The following GRM1 variants were observed in gnomAD, a reference collection of about 807,000 sequenced individuals.
GRM1 encodes the protein metabotropic glutamate receptor 1.
A neutral mutation model predicts 90.9 loss-of-function variants in GRM1; 33 were observed. The observed-to-expected ratio is 0.36, with a 90% CI of 0.28 to 0.49. GRM1 has a LOEUF of 0.49. GRM1 is among the 20% of genes least tolerant of loss of function. The pLI is 0.99. For synonymous variants in GRM1, 700 were observed against 613.2 expected (o/e 1.14, Z -2.09); for missense variants, 1,190 against 1,534.3 (o/e 0.78, Z 3.75).
At chr6:146,243,578 G>A (rs961274824) in intron 2 of GRM1, among the ~76,000 whole-genome samples, 6 of 152,068 alleles carry the variant, frequency 3.9e-5, no homozygotes, top group Non-Finnish European at 8.8e-5. Context: ...TACGAATAGG[G>A]TGTGGGTCAC....
intron 2 of GRM1, among the ~76,000 whole-genome samples, chr6:146,239,776 AC>A (rs1258026258): frequency 1.3e-5 from 2 of 152,180 alleles, no homozygotes; most frequent in Admixed American, 1.3e-4. Context: ...CATCAGAATC[AC>A]ACCTGGAACT....
At chr6:146,157,381 G>T (rs1391254855) in intron 1 of GRM1, among the ~76,000 whole-genome samples, 1 of 152,174 alleles carries the variant, frequency 6.6e-6, no homozygotes, top group Non-Finnish European at 1.5e-5. Context: ...AGAAGATTTT[G>T]ATAAGAGAAG....
chr6:146,242,428 G>C (rs1780898740), intron 2 of GRM1, among the ~76,000 whole-genome samples: 1 of 152,046 alleles, frequency 6.6e-6, no homozygotes, highest in African/African-American at 2.4e-5. Flanking sequence ...CAGAAACAGA[G>C]TATGGAAAAG....
At chr6:146,173,894 G>C (rs941351396) in intron 2 of GRM1, among the ~76,000 whole-genome samples, 1 of 151,994 alleles carries the variant, frequency 6.6e-6, no homozygotes, top group African/African-American at 2.4e-5. Flanking sequence ...CTGACCTTGT[G>C]ATCCGCCCGC....
At chr6:146,301,567 T>A (rs1343485187) in intron 2 of GRM1, among the ~76,000 whole-genome samples, 1 of 152,202 alleles carries the variant, frequency 6.6e-6, no homozygotes, top group Non-Finnish European at 1.5e-5. Flanking sequence ...AAATTTCACA[T>A]CTTATTAAAC....
chr6:146,395,718 T>A (rs755409495), intron 6 of GRM1, among the ~76,000 whole-genome samples: 1 of 152,184 alleles, frequency 6.6e-6, no homozygotes, highest in Non-Finnish European at 1.5e-5. Flanking sequence ...TTAATTCAAC[T>A]TCTATAGATC....
chr6:146,135,988 A>G (rs988479664), intron 1 of GRM1, among the ~76,000 whole-genome samples: 4 of 152,030 alleles, frequency 2.6e-5, no homozygotes, highest in Admixed American at 2.0e-4. Context: ...TAAGAGTTCA[A>G]TTGTTTGAAT....
chr6:146,083,374 A>G (rs1237279307), intron 1 of GRM1, among the ~76,000 whole-genome samples: 2 of 152,168 alleles, frequency 1.3e-5, no homozygotes, highest in Admixed American at 1.3e-4. Flanking sequence ...TGGGTTTGTC[A>G]TAAATAACTC....
intron 3 of GRM1, among the ~76,000 whole-genome samples, chr6:146,307,799 CA>C (rs905245564): frequency 1.3e-5 from 2 of 152,126 alleles, no homozygotes; most frequent in South Asian, 2.1e-4. Flanking sequence ...AACTTAATCC[CA>C]GATGTCACTA....
intron 2 of GRM1, among the ~76,000 whole-genome samples, chr6:146,168,870 A>C (rs1028996293): frequency 3.3e-5 from 5 of 152,056 alleles, no homozygotes; most frequent in Non-Finnish European, 5.9e-5. Context: ...AATGCTCTTA[A>C]GCATGTTTCC....
chr6:146,336,171 T>C (rs1784766090), intron 3 of GRM1, among the ~76,000 whole-genome samples: 1 of 151,954 alleles, frequency 6.6e-6, no homozygotes, highest in African/African-American at 2.4e-5. Context: ...AGTGGGAGAG[T>C]TGGAAAGAGT....
rs561591596 is a variant in GRM1 at position 146,405,233 on chromosome 6, C to T, written c.2660+5534C>T. On this transcript the variant is annotated intron_variant, in intron 7 of 7. Coordinates refer to ENST00000282753, the MANE Select transcript of GRM1 (RefSeq NM_001278064.2). ...GCTTAAGAGAAAGGTCTAGGCCAGACCTCTAGATTTGAAGATCAATTGTCA... is the reference window on the plus strand; with the variant it reads ...GCTTAAGAGAAAGGTCTAGGCCAGATCTCTAGATTTGAAGATCAATTGTCA... Among the ~76,000 whole-genome samples, 6 of 152,188 alleles carry T rather than the reference C, an allele frequency of 3.9e-5. No individual in the cohort carries two copies. In the East Asian group the frequency reaches 1.2e-3, roughly 29 times the overall value.
At chr6:146,314,737 T>A (rs1427965391) in intron 3 of GRM1, among the ~76,000 whole-genome samples, 1 of 152,206 alleles carries the variant, frequency 6.6e-6, no homozygotes, top group Non-Finnish European at 1.5e-5. Flanking sequence ...TCATTCCATT[T>A]TTTTTTTATT....
chr6:146,370,791 G>A (rs545995746), intron 5 of GRM1, among the ~76,000 whole-genome samples: 2 of 152,122 alleles, frequency 1.3e-5, no homozygotes, highest in Non-Finnish European at 1.5e-5. Flanking sequence ...CCATCTACAC[G>A]TCCCCTCATT....
intron 3 of GRM1, among the ~76,000 whole-genome samples, chr6:146,330,692 T>C (rs1490899335): frequency 6.6e-6 from 1 of 152,204 alleles, no homozygotes; most frequent in Non-Finnish European, 1.5e-5. Flanking sequence ...ATAATGTTGC[T>C]TTGTTTTAAA....
intron 1 of GRM1, among the ~76,000 whole-genome samples, chr6:146,153,530 A>C (rs1777414320): frequency 6.6e-6 from 1 of 152,204 alleles, no homozygotes; most frequent in Non-Finnish European, 1.5e-5. Context: ...AACATAGTCA[A>C]ATACGTAATA....
chr6:146,265,609 A>G (rs1227655802), intron 2 of GRM1, among the ~76,000 whole-genome samples: 9 of 152,194 alleles, frequency 5.9e-5, no homozygotes, highest in East Asian at 5.8e-4. Context: ...TGCCTAGGCC[A>G]ATGTCTAGAA....
chr6:146,230,833 A>G (rs1284105566), intron 2 of GRM1, among the ~76,000 whole-genome samples: 2 of 152,192 alleles, frequency 1.3e-5, no homozygotes, highest in East Asian at 3.8e-4. Flanking sequence ...TACTAAAAAG[A>G]AATAAGCTAT....
chr6:146,345,860 C>T (rs573682289), intron 3 of GRM1, among the ~76,000 whole-genome samples: 1 of 152,336 alleles, frequency 6.6e-6, no homozygotes, highest in East Asian at 1.9e-4. Context: ...GCAGTCAGCT[C>T]TCTGTAGCAT....
Sources: gnomAD v4.1 joint callset for allele counts (sites outside exome capture counted in the v4.1 genomes callset) on GRCh38, gnomAD v4.1.1 for gene constraint, MANE v1.5 for transcripts, NCBI Gene and HGNC (gene_info 2026-07-23, HGNC 2026-07-21) for gene names.